TRAPPC2B: variants seen among roughly 807,000 people sequenced by gnomAD.
TRAPPC2B encodes trafficking protein particle complex subunit 2B.
In TRAPPC2B, 5 loss-of-function variants were observed where a neutral mutation model predicts 8.4. That is an observed-to-expected ratio of 0.59 (90% CI 0.31 to 1.25). The LOEUF (loss-of-function observed/expected upper bound fraction) is 1.25. Ranked by LOEUF, TRAPPC2B falls within the 50% of genes most tolerant of loss-of-function variation. The probability of loss-of-function intolerance (pLI) is 0.06; values close to 1 mark genes in which losing one functional copy is unlikely to be tolerated. For missense variants in TRAPPC2B, 161 were observed against 173.2 expected, an observed-to-expected ratio of 0.93 and a Z score of 0.40; for synonymous variants, 46 against 58.1, an observed-to-expected ratio of 0.79 and a Z score of 0.95.
chr19:57,364,635 G>A (rs2088449603), intron 1 of TRAPPC2B, 180 bp from the exon 2 acceptor site: 5 of 604,876 alleles, frequency 8.3e-6, no homozygotes, highest in Admixed American at 2.9e-5. Context: ...CAGCTATTCG[G>A]GAGGCTGAGG....
chr19:57,365,083 A>G lies in TRAPPC2B; in HGVS notation c.250A>G (p.Ile84Val). The G allele has an allele frequency of 1.9e-6, 3 of 1,609,592 alleles. No homozygotes were observed. The highest frequency in any genetic ancestry group is 1.7e-6 in the Non-Finnish European group (2 of 1,176,152). The change falls in exon 2 of 2, where the codon ATT becomes GTT. Residue 84 changes from isoleucine (I) to valine (V), a missense_variant. Physicochemically the swap from Ile to Val is conservative, Grantham distance 29. Coordinates refer to ENST00000543226, the MANE Select transcript of TRAPPC2B (RefSeq NM_001355204.2). ...AFVTAGHMRF[I>V]MLHDIRQEDG... The stretch of plus-strand genomic sequence containing the variant: ...TGTCACCGCGGGGCATATGAGGTTT[A>G]TTATGCTTCATGACATAAGACAAGA...
chr19:57,364,625 C>T (rs1444550251), intron 1 of TRAPPC2B, 190 bp from the exon 2 acceptor site: 1 of 600,428 alleles, frequency 1.7e-6, no homozygotes, highest in Non-Finnish European at 2.9e-6. Context: ...CCTGTAATCC[C>T]AGCTATTCGG....
rs1432896749 is a variant in TRAPPC2B at position 57,364,956 on chromosome 19, A to G, written c.123A>G (p.Ile41Met). Residue 41 changes from isoleucine to methionine, a missense_variant, in exon 2 of 2, where the codon ATA (isoleucine) becomes ATG (methionine). Transcript: ENST00000543226. ...KDDHRHLNQF[I>M]AHAALDLVDE... is the part of the protein sequence containing the mutation. ...ACCATCGTCATCTGAACCAGTTCAT[A>G]GCTCATGCTGCTCTCGACCTCGTAG... The G allele has an allele frequency of 3.1e-6, 5 of 1,613,158 alleles. No homozygotes were observed. In the Middle Eastern group the frequency reaches 5.0e-4, roughly 160 times the overall value.
At position 57,364,788 on chromosome 19, in the gene TRAPPC2B, G is replaced by A. The variant is rs751825179; in HGVS notation, c.-19-27G>A. The A allele has an allele frequency of 6.7e-6, 10 of 1,494,208 alleles. No individual in the cohort carries two copies. In the East Asian group the frequency reaches 1.2e-4, roughly 18 times the overall value. The allele number at this position is 1,494,208 out of a possible 1,614,324, so 92.6% of individuals were successfully genotyped here. On this transcript the variant is annotated intron_variant, in intron 1 of 1. Transcript: ENST00000543226. The stretch of plus-strand genomic sequence containing the variant: ...TCTCTTCCGCGGAAACTGACATTGC[G>A]TTTCCGTTGTCGGCCTCCCGCTGCA...
At chr19:57,364,684 T>G in intron 1 of TRAPPC2B, 131 bp from the exon 2 acceptor site, 1 of 673,190 alleles carries the variant, frequency 1.5e-6, no homozygotes. Flanking sequence ...GAGATTGCAG[T>G]GAGCCAAGAT....
intron 1 of TRAPPC2B, chr19:57,364,047 G>GGT (rs1568523373): frequency 3.8e-4 from 58 of 152,432 alleles, no homozygotes; most frequent in African/African-American, 1.3e-3. Flanking sequence ...GGAGGGGCAG[G>GGT]TCCAGAGTTA....
chr19:57,365,224 C>A lies in TRAPPC2B; in HGVS notation c.391C>A (p.Gln131Lys), dbSNP rs749832620. Residue 131 changes from glutamine (Q) to lysine (K), a missense_variant, in exon 2 of 2, where the codon CAG (glutamine) becomes AAG (lysine). Physicochemically the swap from Gln to Lys is moderately conservative, Grantham distance 53. Coordinates refer to ENST00000543226, the MANE Select transcript of TRAPPC2B (RefSeq NM_001355204.2). ...IRSSAFDRKVQFLGKKHLLS is the reference protein window; with the variant it reads ...IRSSAFDRKVKFLGKKHLLS ...ATCAAGTGCATTTGACAGAAAAGTT[C>A]AGTTTCTTGGGAAGAAACACCTTTT... 6.3e-7 allele frequency: 1 copy of A among 1,580,738 alleles called. No homozygotes were observed. Among genetic ancestry groups the A allele is most frequent in the South Asian group, 1.1e-5 (1 of 87,056 alleles).
chr19:57,364,551 A>T, intron 1 of TRAPPC2B: 1 of 471,684 alleles, frequency 2.1e-6, no homozygotes, highest in Non-Finnish European at 3.9e-6. Context: ...GACCAGCCTG[A>T]CCAACATGGT....
chr19:57,364,728 G>A (rs2088450709), intron 1 of TRAPPC2B, 87 bp from the exon 2 acceptor site: 5 of 951,300 alleles, frequency 5.3e-6, no homozygotes, highest in African/African-American at 1.6e-5. Flanking sequence ...GCGACAGAGC[G>A]AGATTCCGTG....
rs779538861 is a variant in TRAPPC2B at position 57,365,126 on chromosome 19, T to A, written c.293T>A (p.Phe98Tyr). 6.2e-7 allele frequency: 1 copy of A among 1,607,600 alleles called. No homozygotes were observed. The highest frequency in any genetic ancestry group is 8.5e-7 in the Non-Finnish European group (1 of 1,175,310). ...DIRQEDGIKN[F>Y]FTDVYDLYIK... ...AGACAAGAAGATGGAATAAAGAACT[T>A]CTTTACTGATGTTTATGATTTATAT... is the stretch of plus-strand genomic sequence containing the variant. Residue 98 changes from phenylalanine to tyrosine, a missense_variant, in exon 2 of 2, where the codon TTC becomes TAC. Physicochemically the swap from Phe to Tyr is conservative, Grantham distance 22. Transcript: ENST00000543226.
intron 1 of TRAPPC2B, chr19:57,364,445 C>T: frequency 9.4e-5 from 18 of 190,950 alleles, no homozygotes; most frequent in Non-Finnish European, 1.4e-4. Flanking sequence ...GTAGATTCTT[C>T]AAAAGAATAG....
At chr19:57,364,433 G>T in intron 1 of TRAPPC2B, 1 of 293,470 alleles carries the variant, frequency 3.4e-6, no homozygotes, top group East Asian at 8.7e-5. Context: ...AGGAGAACTG[G>T]TGTAGATTCT....
chr19:57,364,041 G>A (rs956655681), intron 1 of TRAPPC2B: 1 of 152,266 alleles, frequency 6.6e-6, no homozygotes, highest in African/African-American at 2.4e-5. Flanking sequence ...CCAGTGGGAG[G>A]GGCAGGTCCA....
At chr19:57,364,440 T>TCTCGGTGGTCGCCGTA in intron 1 of TRAPPC2B, 63 of 282,392 alleles carry the variant, frequency 2.2e-4, no homozygotes, top group Middle Eastern at 1.2e-3. Flanking sequence ...CTGGTGTAGA[T>TCTCGGTGGTCGCCGTA]TCTTCAAAAG....
Position 57,365,255 on chromosome 19 carries a change from G to C in TRAPPC2B, c.422G>C (p.Ter141SerextTer7). The change falls in exon 2 of 2, where the codon TGA (stop) becomes TCA (serine). Residue 141 changes from the stop codon to serine, a stop_lost. Transcript: ENST00000543226. ...CTTGGGAAGAAACACCTTTTAAGCT[G>C]AATGGAGAAAATTCCAAAATAAATT... ...QFLGKKHLLS* is the reference protein window; with the variant it reads ...QFLGKKHLLSS The C allele has an allele frequency of 6.4e-7, 1 of 1,555,702 alleles. No homozygotes were observed. The highest frequency in any genetic ancestry group is 8.7e-7 in the Non-Finnish European group (1 of 1,146,850).
chr19:57,364,708 T>G lies in TRAPPC2B; in HGVS notation c.-19-107T>G, dbSNP rs561340037. ...GTGAGCCAAGATCGCGCCATTGCACTCCAGCCTGGGCGACAGAGCGAGATT... is the reference window on the plus strand; with the variant it reads ...GTGAGCCAAGATCGCGCCATTGCACGCCAGCCTGGGCGACAGAGCGAGATT... On this transcript the variant is annotated intron_variant, in intron 1 of 1. Coordinates refer to ENST00000543226, the MANE Select transcript of TRAPPC2B (RefSeq NM_001355204.2). 1.6e-4 allele frequency: 136 copies of G among 825,588 alleles called. No homozygotes were observed. In the African/African-American group the frequency reaches 2.1e-3, roughly 13 times the overall value. 51.1% of individuals were successfully genotyped at this position (825,588 alleles called of 1,614,324 possible). A position where few individuals can be genotyped will look rare whatever the true frequency, so the allele number is the denominator to read the frequency against.
At position 57,364,930 on chromosome 19, in the gene TRAPPC2B, G is replaced by C; in HGVS notation, c.97G>C (p.Asp33His). The change falls in exon 2 of 2, where the codon GAC (aspartate) becomes CAC (histidine). Residue 33 changes from aspartate to histidine, a missense_variant. Coordinates refer to ENST00000543226, the MANE Select transcript of TRAPPC2B (RefSeq NM_001355204.2). ...AGCTGGGAAGGCAGAATCCAAAGAC[G>C]ACCATCGTCATCTGAACCAGTTCAT... ...LPAGKAESKD[D>H]HRHLNQFIAH... is the part of the protein sequence containing the mutation. The C allele has an allele frequency of 6.2e-7, 1 of 1,612,894 alleles. No individual in the cohort carries two copies. Among genetic ancestry groups the C allele is most frequent in the Non-Finnish European group, 8.5e-7 (1 of 1,179,092 alleles).
At position 57,363,722 on chromosome 19, in the gene TRAPPC2B, G is replaced by GCC. The variant is rs11377329; in HGVS notation, c.-20+27_-20+28dup. The stretch of plus-strand genomic sequence containing the variant: ...ACCCGAGGTGGGTGCCCCGTCCCAG[G>GCC]CCCCCCCCCACCTCCGCCCGACCCC... On this transcript the variant is annotated intron_variant, in intron 1 of 1. Transcript: ENST00000543226. 1,284 of 144,454 alleles carry GCC rather than the reference G, an allele frequency of 8.9e-3. 20 individuals are homozygous for GCC. Among genetic ancestry groups the GCC allele is most frequent in the African/African-American group, 0.028 (1,056 of 37,508 alleles). 8.9% of individuals were successfully genotyped at this position (144,454 alleles called of 1,614,324 possible).
At chr19:57,364,604 G>A in intron 1 of TRAPPC2B, 1 of 583,818 alleles carries the variant, frequency 1.7e-6, no homozygotes. Context: ...AGCCGGGGGT[G>A]GTGACGCGCG....
Sources: gnomAD v4.1 joint callset for allele counts on GRCh38, gnomAD v4.1.1 for gene constraint, MANE v1.5 for transcripts, NCBI Gene and HGNC (gene_info 2026-07-23, HGNC 2026-07-21) for gene names.